UMAD1: variants seen among roughly 807,000 people sequenced by gnomAD.
UMAD1 encodes UBAP1-MVB12-associated (UMA) domain containing 1.
Under a neutral mutation model 6.1 loss-of-function variants are expected in UMAD1, and 8 were observed. The observed-to-expected ratio is 1.30, with a 90% confidence interval of 0.76 to 2.35. UMAD1 has a LOEUF of 2.35. Among genes scored for constraint, UMAD1 ranks in the 30% most tolerant of loss-of-function variants. The pLI, the probability that UMAD1 is intolerant of heterozygous loss-of-function variation, is 0.00. For synonymous variants in UMAD1, 56 were observed against 31.4 expected (o/e 1.78, Z -2.61); for missense variants, 130 against 78.4 (o/e 1.66, Z -2.49).
intron 2 of UMAD1, among the ~76,000 whole-genome samples, chr7:7,684,347 G>A (rs1156377715): frequency 2.6e-5 from 4 of 151,764 alleles, no homozygotes; most frequent in Non-Finnish European, 4.4e-5. Flanking sequence ...GATTACAGGC[G>A]TGTGCCACCA....
At position 7,767,606 on chromosome 7, in the gene UMAD1, C is replaced by T. The variant is rs573405118; in HGVS notation, c.83-34064C>T. On this transcript the variant is annotated intron_variant, in intron 2 of 3. Coordinates refer to ENST00000682710, the MANE Select transcript of UMAD1 (RefSeq NM_001302348.2). The stretch of plus-strand genomic sequence containing the variant: ...TTAATATGGATTTTGTAGTAAAGTG[C>T]CAGCTCTGGATCATAATAGCAACAA... 3.6e-3 allele frequency among the ~76,000 whole-genome samples: 555 copies of T among 152,192 alleles called. 2 individuals are homozygous for T. The highest frequency in any genetic ancestry group is 0.011 in the South Asian group (54 of 4,826).
intron 1 of UMAD1, among the ~76,000 whole-genome samples, chr7:7,672,640 G>A (rs191440826): frequency 6.6e-6 from 1 of 152,174 alleles, no homozygotes; most frequent in Non-Finnish European, 1.5e-5. Flanking sequence ...TTTTATAAGG[G>A]GCTTGGCACT....
chr7:7,766,525 T>A (rs1334390674), intron 2 of UMAD1, among the ~76,000 whole-genome samples: 2 of 152,216 alleles, frequency 1.3e-5, no homozygotes, highest in African/African-American at 2.4e-5. Context: ...TATTCATAAC[T>A]GCTTCTTGTT....
chr7:7,692,358 A>G (rs1780192552), intron 2 of UMAD1: 1 of 152,352 alleles, frequency 6.6e-6, no homozygotes, highest in East Asian at 1.9e-4. Flanking sequence ...ACCACGTGGT[A>G]GAAATAGGAG....
chr7:7,803,063 T>C (rs992803534), intron 3 of UMAD1, among the ~76,000 whole-genome samples: 1 of 152,232 alleles, frequency 6.6e-6, no homozygotes, highest in Non-Finnish European at 1.5e-5. Flanking sequence ...TTTATTACAC[T>C]GACCGTACTC....
At chr7:7,762,559 G>A (rs1053567294) in intron 2 of UMAD1, among the ~76,000 whole-genome samples, 1 of 152,152 alleles carries the variant, frequency 6.6e-6, no homozygotes, top group Non-Finnish European at 1.5e-5. Context: ...GCTATGGGAT[G>A]CCTCATGGAA....
At chr7:7,840,114 A>C (rs1337832452) in intron 3 of UMAD1, among the ~76,000 whole-genome samples, 1 of 152,194 alleles carries the variant, frequency 6.6e-6, no homozygotes, top group Non-Finnish European at 1.5e-5. Context: ...TTTGGGGGGC[A>C]GGGCAGGTCA....
At chr7:7,726,215 A>G (rs1035389034) in intron 2 of UMAD1, among the ~76,000 whole-genome samples, 1 of 152,214 alleles carries the variant, frequency 6.6e-6, no homozygotes, top group Non-Finnish European at 1.5e-5. Context: ...AGTGCTCACT[A>G]ACGGGTGACC....
Position 7,682,737 on chromosome 7 carries a change from C to T in UMAD1, c.82+9284C>T, listed in dbSNP as rs985613078. 2.6e-5 allele frequency among the ~76,000 whole-genome samples: 4 copies of T among 152,282 alleles called. No individual in the cohort carries two copies. In the East Asian group the frequency reaches 5.8e-4, roughly 22 times the overall value. On this transcript the variant is annotated intron_variant, in intron 2 of 3. Transcript: ENST00000682710. ...TACCCTATCGCTGTCTCCTTACCCA[C>T]GTATCGGGATATCCAGAAAAACTCG...
At chr7:7,697,507 T>C (rs931896230) in intron 2 of UMAD1, among the ~76,000 whole-genome samples, 2 of 152,238 alleles carry the variant, frequency 1.3e-5, no homozygotes, top group Non-Finnish European at 2.9e-5. Context: ...TGAAATATGA[T>C]TGTGGCTTCC....
intron 3 of UMAD1, among the ~76,000 whole-genome samples, chr7:7,813,626 C>T (rs1381994202): frequency 6.6e-6 from 1 of 152,184 alleles, no homozygotes; most frequent in East Asian, 1.9e-4. Flanking sequence ...TGAAAACTTT[C>T]TCACAACTTT....
chr7:7,648,298 T>A (rs2115547534), intron 1 of UMAD1, among the ~76,000 whole-genome samples: 1 of 152,272 alleles, frequency 6.6e-6, no homozygotes, highest in East Asian at 1.9e-4. Flanking sequence ...TTTCTCCGCT[T>A]AAGTTTTCTC....
chr7:7,662,488 G>A (rs1427868213), intron 1 of UMAD1, among the ~76,000 whole-genome samples: 1 of 152,216 alleles, frequency 6.6e-6, no homozygotes, highest in Non-Finnish European at 1.5e-5. Flanking sequence ...TGCGAAGACC[G>A]TGGGAAAAGC....
At chr7:7,807,771 A>C (rs1470786208) in intron 3 of UMAD1, among the ~76,000 whole-genome samples, 1 of 152,114 alleles carries the variant, frequency 6.6e-6, no homozygotes, top group Non-Finnish European at 1.5e-5. Context: ...ATGATAATTT[A>C]GCATTCACTC....
At chr7:7,854,355 C>CAAAAAAAA (rs34829393) in intron 3 of UMAD1, among the ~76,000 whole-genome samples, 58 of 49,068 alleles carry the variant, frequency 1.2e-3, no homozygotes, top group African/African-American at 1.3e-3. Flanking sequence ...AGCTCCATCT[C>CAAAAAAAA]AAAAAAAAAA....
intron 3 of UMAD1, among the ~76,000 whole-genome samples, chr7:7,874,903 A>G (rs1332742123): frequency 6.6e-6 from 1 of 152,074 alleles, no homozygotes; most frequent in Non-Finnish European, 1.5e-5. Context: ...ATGTGTATTC[A>G]GTTTGTAAAA....
intron 2 of UMAD1, chr7:7,742,530 G>A: frequency 1.9e-6 from 1 of 524,262 alleles, no homozygotes; most frequent in African/African-American, 1.9e-5. Context: ...CTGTAGGAGG[G>A]GCAGGAGCTT....
At chr7:7,773,627 A>G (rs1399235615) in intron 2 of UMAD1, among the ~76,000 whole-genome samples, 5 of 152,254 alleles carry the variant, frequency 3.3e-5, no homozygotes. Context: ...ATTTATTTGT[A>G]CTAGACACTT....
chr7:7,802,020 G>T (rs557379551), intron 3 of UMAD1, among the ~76,000 whole-genome samples: 1 of 152,330 alleles, frequency 6.6e-6, no homozygotes, highest in East Asian at 1.9e-4. Context: ...ATTTTTAATT[G>T]AGTGATTATG....
Sources: allele counts gnomAD v4.1 joint callset (sites outside exome capture counted in the v4.1 genomes callset), GRCh38; gene constraint gnomAD v4.1.1; transcripts MANE v1.5; gene names NCBI Gene and HGNC (gene_info 2026-07-23, HGNC 2026-07-21).